The following SIPA1L1 variants were observed in gnomAD, a reference collection of about 807,000 sequenced individuals.
SIPA1L1 encodes signal-induced proliferation-associated 1-like protein 1.
Under a neutral mutation model 162.7 loss-of-function variants are expected in SIPA1L1, and 26 were observed. The ratio of observed to expected loss-of-function variants is 0.16; its 90% CI spans 0.12 to 0.22. SIPA1L1 has a LOEUF of 0.22. Ranked by LOEUF, SIPA1L1 falls within the 10% of genes least tolerant of loss-of-function variation. The probability of loss-of-function intolerance (pLI) is 1.00; values close to 1 mark genes in which losing one functional copy is unlikely to be tolerated. For synonymous variants in SIPA1L1, 829 were observed against 837.4 expected (o/e 0.99, Z 0.17); for missense variants, 1,874 against 2,241.0 (o/e 0.84, Z 3.31).
intron 17 of SIPA1L1, 99 bp from the exon 18 acceptor site, chr14:71,723,548 C>T (rs2083940480): frequency 6.6e-6 from 9 of 1,355,426 alleles, no homozygotes; most frequent in East Asian, 2.3e-5. Context: ...GAAAAATTCA[C>T]TGTTGTTCAA....
At chr14:71,337,007 C>T (rs1051852499) in intron 2 of SIPA1L1, among the ~76,000 whole-genome samples, 9 of 152,276 alleles carry the variant, frequency 5.9e-5, no homozygotes, top group South Asian at 2.1e-4. Flanking sequence ...GTTTGACTCC[C>T]GCTGTCCCAT....
chr14:71,483,577 T>G (rs2048509406), intron 2 of SIPA1L1, among the ~76,000 whole-genome samples: 1 of 152,204 alleles, frequency 6.6e-6, no homozygotes, highest in African/African-American at 2.4e-5. Flanking sequence ...TGGGCAAGTT[T>G]AAAATTTGAG....
intron 2 of SIPA1L1, among the ~76,000 whole-genome samples, chr14:71,511,614 G>T (rs1306135529): frequency 6.6e-6 from 1 of 152,124 alleles, no homozygotes; most frequent in Non-Finnish European, 1.5e-5. Context: ...ACAGTATTTG[G>T]TCTTAGTCCT....
At chr14:71,704,917 T>C in intron 15 of SIPA1L1, 1 of 684,750 alleles carries the variant, frequency 1.5e-6, no homozygotes, top group Non-Finnish European at 2.5e-6. Context: ...ATAATCTAAA[T>C]TTTTCCCCCA....
intron 6 of SIPA1L1, among the ~76,000 whole-genome samples, chr14:71,621,850 T>C (rs1042218456): frequency 6.6e-6 from 1 of 152,192 alleles, no homozygotes; most frequent in Non-Finnish European, 1.5e-5. Flanking sequence ...CCTTTCTTCC[T>C]TCCTCCCGCT....
At chr14:71,380,880 C>G (rs1422584075) in intron 2 of SIPA1L1, among the ~76,000 whole-genome samples, 1 of 152,140 alleles carries the variant, frequency 6.6e-6, no homozygotes, top group African/African-American at 2.4e-5. Flanking sequence ...CTTAGCAACA[C>G]TTATATGCTG....
intron 3 of SIPA1L1, among the ~76,000 whole-genome samples, 166 bp downstream of exon 3, chr14:71,513,011 G>A (rs927118736): frequency 6.6e-6 from 1 of 151,836 alleles, no homozygotes; most frequent in South Asian, 2.1e-4. Flanking sequence ...TTTCCAGATC[G>A]AACCAATGTA....
chr14:71,428,630 C>T (rs182910115), intron 2 of SIPA1L1, among the ~76,000 whole-genome samples: 1 of 152,214 alleles, frequency 6.6e-6, no homozygotes, highest in African/African-American at 2.4e-5. Context: ...GGGCTCTGGC[C>T]TGTTAAATGC....
intron 2 of SIPA1L1, among the ~76,000 whole-genome samples, chr14:71,386,724 T>C (rs2040350826): frequency 6.6e-6 from 1 of 152,244 alleles, no homozygotes; most frequent in Non-Finnish European, 1.5e-5. Context: ...GATAACTGAA[T>C]GATCCTTTTA....
intron 2 of SIPA1L1, among the ~76,000 whole-genome samples, chr14:71,420,606 A>G (rs1330063202): frequency 2.6e-5 from 4 of 152,202 alleles, no homozygotes; most frequent in African/African-American, 4.8e-5. Flanking sequence ...CTTATTATCT[A>G]TGGAATTTTC....
intron 19 of SIPA1L1, 101 bp from the exon 20 acceptor site, chr14:71,729,954 T>C: frequency 8.0e-7 from 1 of 1,256,310 alleles, no homozygotes; most frequent in Non-Finnish European, 1.1e-6. Flanking sequence ...GCTAGGGGTG[T>C]GTCTGGAGCA....
chr14:71,325,313 G>T (rs1312861356), intron 2 of SIPA1L1, among the ~76,000 whole-genome samples: 1 of 152,090 alleles, frequency 6.6e-6, no homozygotes, highest in East Asian at 1.9e-4. Flanking sequence ...GCTTTCAAAG[G>T]TTATATTTAA....
intron 4 of SIPA1L1, among the ~76,000 whole-genome samples, chr14:71,577,529 A>G (rs2033253254): frequency 6.6e-6 from 1 of 151,886 alleles, no homozygotes; most frequent in Admixed American, 6.6e-5. Context: ...GGCACATAGC[A>G]CCACACCCAG....
intron 2 of SIPA1L1, among the ~76,000 whole-genome samples, chr14:71,511,590 G>A (rs1274612369): frequency 1.3e-5 from 2 of 152,150 alleles, no homozygotes; most frequent in Non-Finnish European, 1.5e-5. Flanking sequence ...CTCCTGGCAG[G>A]AGCATCTTTT....
intron 14 of SIPA1L1, among the ~76,000 whole-genome samples, chr14:71,701,788 C>T (rs1566687205): frequency 6.6e-6 from 1 of 152,094 alleles, no homozygotes; most frequent in Non-Finnish European, 1.5e-5. Context: ...GCCAGTTTAC[C>T]TGCTTCCAAA....
chr14:71,403,868 A>T (rs918881926), intron 2 of SIPA1L1, among the ~76,000 whole-genome samples: 5 of 152,022 alleles, frequency 3.3e-5, no homozygotes, highest in African/African-American at 1.2e-4. Flanking sequence ...ACACTTCAGT[A>T]TGATCACTGT....
intron 2 of SIPA1L1, among the ~76,000 whole-genome samples, chr14:71,424,682 T>C (rs755999825): frequency 6.6e-6 from 1 of 152,142 alleles, no homozygotes; most frequent in African/African-American, 2.4e-5. Flanking sequence ...CAATATTTTG[T>C]TGAGGATTTT....
chr14:71,652,643 T>G (rs1028772549), intron 8 of SIPA1L1, among the ~76,000 whole-genome samples: 1 of 151,632 alleles, frequency 6.6e-6, no homozygotes, highest in South Asian at 2.1e-4. Context: ...TTTTTCCCCC[T>G]AACCTTTTTT....
intron 2 of SIPA1L1, among the ~76,000 whole-genome samples, chr14:71,386,904 A>G (rs2141275666): frequency 6.6e-6 from 1 of 152,280 alleles, no homozygotes; most frequent in African/African-American, 2.4e-5. Flanking sequence ...GTTTGTGTGA[A>G]AAATCTTCCC....
Sources: gnomAD v4.1 joint callset for allele counts (sites outside exome capture counted in the v4.1 genomes callset) on GRCh38, gnomAD v4.1.1 for gene constraint, MANE v1.5 for transcripts, NCBI Gene and HGNC (gene_info 2026-07-23, HGNC 2026-07-21) for gene names.